RNLS: variants seen among roughly 807,000 people sequenced by gnomAD.
RNLS encodes renalase.
A neutral mutation model predicts 39.8 loss-of-function variants in RNLS; 39 were observed. The observed-to-expected ratio is 0.98, with a 90% CI of 0.76 to 1.28. The LOEUF (loss-of-function observed/expected upper bound fraction) is 1.28, where lower values mean the gene tolerates loss of function less well. RNLS is among the 50% of genes most tolerant of loss of function. RNLS has a pLI of 0.00. For synonymous variants in RNLS, 147 were observed against 150.7 expected (o/e 0.98, Z 0.18); for missense variants, 410 against 413.3 (o/e 0.99, Z 0.07).
the RNLS span, among the ~76,000 whole-genome samples, chr10:88,260,743 A>G: frequency 2.0e-5 from 3 of 152,256 alleles, no homozygotes; most frequent in African/African-American, 7.2e-5. Flanking sequence ...ACTGGCAAAG[A>G]GAGTTGACTT....
intron 4 of RNLS, among the ~76,000 whole-genome samples, chr10:88,546,451 A>G (rs1848317735): frequency 6.6e-6 from 1 of 152,160 alleles, no homozygotes; most frequent in Non-Finnish European, 1.5e-5. Context: ...AAAACTCTGA[A>G]AAGTTAATAC....
rs169591 is a variant in RNLS at position 88,304,297 on chromosome 10, C to T, written c.876+10169G>A. Among the ~76,000 whole-genome samples the T allele has an allele frequency of 2.8e-3, 425 of 152,298 alleles. 3 individuals carry two copies. Among genetic ancestry groups the T allele is most frequent in the Non-Finnish European group, 4.3e-3 (294 of 68,028 alleles). On this transcript the variant is annotated intron_variant, in intron 6 of 6. Coordinates refer to ENST00000331772, the MANE Select transcript of RNLS (RefSeq NM_001031709.3). ...CTCAAAAAGCCAGAGTGCCTTCTTT[C>T]CTCCAAATGACCACATTACCTCTCT... is the stretch of plus-strand genomic sequence containing the variant.
chr10:88,503,683 G>C (rs2134119606), intron 4 of RNLS, among the ~76,000 whole-genome samples: 1 of 152,304 alleles, frequency 6.6e-6, no homozygotes, highest in Non-Finnish European at 1.5e-5. Context: ...TTGTGAGCTT[G>C]AGGACTGTGA....
the RNLS span, among the ~76,000 whole-genome samples, chr10:88,232,101 A>C: frequency 1.3e-5 from 2 of 152,204 alleles, no homozygotes; most frequent in African/African-American, 4.8e-5. Context: ...GGGAAAGTTC[A>C]TCCTTCTTTT....
chr10:88,494,914 A>G (rs1031828960), intron 4 of RNLS, among the ~76,000 whole-genome samples: 3 of 152,196 alleles, frequency 2.0e-5, no homozygotes, highest in African/African-American at 7.2e-5. Flanking sequence ...ACTCAGGAGA[A>G]TAAGTAACAA....
At chr10:88,354,577 G>A (rs1848997269) in intron 5 of RNLS, among the ~76,000 whole-genome samples, 1 of 152,190 alleles carries the variant, frequency 6.6e-6, no homozygotes, top group Non-Finnish European at 1.5e-5. Context: ...TTTCTGCCGA[G>A]AGATCAGCTG....
intron 3 of RNLS, among the ~76,000 whole-genome samples, chr10:88,579,303 C>T (rs559415937): frequency 3.3e-5 from 5 of 152,218 alleles, no homozygotes; most frequent in African/African-American, 1.2e-4. Flanking sequence ...TTGTGAGCTA[C>T]AATCAAACAC....
intron 6 of RNLS, among the ~76,000 whole-genome samples, chr10:88,295,344 C>T (rs1157244488): frequency 6.6e-6 from 1 of 152,128 alleles, no homozygotes; most frequent in Non-Finnish European, 1.5e-5. Flanking sequence ...TCATCTTATG[C>T]TACAGTACCT....
At chr10:88,225,198 C>T in the RNLS span, among the ~76,000 whole-genome samples, 4 of 152,208 alleles carry the variant, frequency 2.6e-5, no homozygotes, top group Non-Finnish European at 4.4e-5. Flanking sequence ...GACCTCTTCA[C>T]GAGTGTACAC....
the RNLS span, among the ~76,000 whole-genome samples, chr10:88,265,323 CTTTTTTTTTTT>C: frequency 6.8e-5 from 4 of 59,066 alleles, no homozygotes; most frequent in African/African-American, 2.0e-4. Flanking sequence ...CAGGGTTTTT[CTTTTTTTTTTT>C]TTTTTTTTTT....
chr10:88,510,608 G>A (rs1846063564), intron 4 of RNLS, among the ~76,000 whole-genome samples: 1 of 151,976 alleles, frequency 6.6e-6, no homozygotes, highest in Admixed American at 6.6e-5. Context: ...ACTTTGGGAG[G>A]CCGAGGCGGG....
intron 4 of RNLS, among the ~76,000 whole-genome samples, chr10:88,568,768 G>A (rs1849661092): frequency 6.6e-6 from 1 of 152,194 alleles, no homozygotes; most frequent in Non-Finnish European, 1.5e-5. Flanking sequence ...TGGCTGCACA[G>A]TAGCATTACT....
At chr10:88,567,538 C>A (rs1590034353) in intron 4 of RNLS, among the ~76,000 whole-genome samples, 1 of 152,306 alleles carries the variant, frequency 6.6e-6, no homozygotes, top group Non-Finnish European at 1.5e-5. Flanking sequence ...TTAAAACAAT[C>A]TCAAAATCAA....
In RNLS at chr10:88,537,940, T is replaced by C. The variant is rs542979884; in HGVS notation, c.526+34963A>G. On this transcript the variant is annotated intron_variant, in intron 4 of 6. Transcript: ENST00000331772. ...ATGATGATAAGTTTGCAGGCAATTCTCTCCAAATCAGGGTTCCCCAGGGGA... is the reference window on the plus strand; with the variant it reads ...ATGATGATAAGTTTGCAGGCAATTCCCTCCAAATCAGGGTTCCCCAGGGGA... Among the ~76,000 whole-genome samples the C allele has an allele frequency of 5.1e-4, 77 of 152,286 alleles. 1 individual carries two copies. The highest frequency in any genetic ancestry group is 1.8e-3 in the African/African-American group (76 of 41,554).
At chr10:88,441,728 A>G (rs1221738622) in intron 4 of RNLS, among the ~76,000 whole-genome samples, 1 of 152,204 alleles carries the variant, frequency 6.6e-6, no homozygotes, top group Non-Finnish European at 1.5e-5. Context: ...TTCTGTAAGC[A>G]TCGGAAATAC....
intron 4 of RNLS, among the ~76,000 whole-genome samples, chr10:88,504,093 C>T (rs1161832741): frequency 1.3e-5 from 2 of 152,124 alleles, no homozygotes; most frequent in Non-Finnish European, 2.9e-5. Flanking sequence ...AGTAGATTTT[C>T]CAGTCCCAGC....
At chr10:88,501,900 G>A (rs138547983) in intron 4 of RNLS, among the ~76,000 whole-genome samples, 2,260 of 152,100 alleles carry the variant, frequency 0.015, 32 homozygotes, top group Non-Finnish European at 0.024. Context: ...TCCCTGTTGA[G>A]ACCTGGTATA....
At chr10:88,191,239 G>T in the RNLS span, among the ~76,000 whole-genome samples, 1 of 152,084 alleles carries the variant, frequency 6.6e-6, no homozygotes, top group Non-Finnish European at 1.5e-5. Context: ...CTTTGGATGC[G>T]CATTGTATAG....
intron 4 of RNLS, among the ~76,000 whole-genome samples, chr10:88,548,337 T>A (rs114192732): frequency 1.4e-5 from 2 of 141,612 alleles, no homozygotes; most frequent in East Asian, 2.1e-4. Flanking sequence ...AAGTGACTTA[T>A]AAACTGTCAA....
Sources: allele counts gnomAD v4.1 joint callset (sites outside exome capture counted in the v4.1 genomes callset), GRCh38; gene constraint gnomAD v4.1.1; transcripts MANE v1.5; gene names NCBI Gene and HGNC (gene_info 2026-07-23, HGNC 2026-07-21).